Variants in SSBP3 observed in about 807,000 individuals in gnomAD.
SSBP3 encodes the protein single stranded DNA binding protein 3.
Under a neutral mutation model 69.6 loss-of-function variants are expected in SSBP3, and 5 were observed. The observed-to-expected ratio is 0.07, with a 90% CI of 0.04 to 0.15. The LOEUF (loss-of-function observed/expected upper bound fraction) is 0.15, where lower values mean the gene tolerates loss of function less well. Ranked by LOEUF, SSBP3 falls within the 10% of genes least tolerant of loss-of-function variation. The pLI is 1.00. For synonymous variants in SSBP3, 196 were observed against 193.4 expected, an observed-to-expected ratio of 1.01 and a Z score of -0.11; for missense variants, 312 against 534.0, an observed-to-expected ratio of 0.58 and a Z score of 4.10.
At chr1:54,374,806 C>T (rs1404502737) in intron 4 of SSBP3, among the ~76,000 whole-genome samples, 9 of 152,188 alleles carry the variant, frequency 5.9e-5, no homozygotes, top group East Asian at 1.9e-4. Flanking sequence ...GGGCTATCAA[C>T]GTGAGCTAAC....
chr1:54,331,404 G>A (rs912228496), intron 4 of SSBP3, among the ~76,000 whole-genome samples: 6 of 152,180 alleles, frequency 3.9e-5, no homozygotes, highest in African/African-American at 7.2e-5. Flanking sequence ...TCAGAAAATC[G>A]TGCCACTTCA....
intron 5 of SSBP3, among the ~76,000 whole-genome samples, chr1:54,278,595 G>A (rs1475035055): frequency 6.6e-6 from 1 of 152,200 alleles, no homozygotes; most frequent in Non-Finnish European, 1.5e-5. Context: ...GGATGGAGGT[G>A]GGCAGCTGCT....
At chr1:54,394,029 G>T (rs976034269) in intron 4 of SSBP3, among the ~76,000 whole-genome samples, 3 of 152,152 alleles carry the variant, frequency 2.0e-5, no homozygotes, top group Non-Finnish European at 4.4e-5. Context: ...CAAAGTGTTG[G>T]GATTACAGGA....
intron 4 of SSBP3, among the ~76,000 whole-genome samples, chr1:54,401,622 G>A (rs1011187631): frequency 6.6e-6 from 1 of 150,774 alleles, no homozygotes; most frequent in Non-Finnish European, 1.5e-5. Flanking sequence ...TAATTCTCCG[G>A]ATAGATATCT....
At chr1:54,314,863 C>T (rs1444072310) in intron 4 of SSBP3, among the ~76,000 whole-genome samples, 4 of 152,132 alleles carry the variant, frequency 2.6e-5, no homozygotes, top group South Asian at 4.2e-4. Flanking sequence ...GGTACAGACG[C>T]TGGACAGGGA....
chr1:54,306,593 T>C (rs1645905610), intron 4 of SSBP3, among the ~76,000 whole-genome samples: 2 of 152,184 alleles, frequency 1.3e-5, no homozygotes, highest in Admixed American at 6.5e-5. Flanking sequence ...ACTGGTATTA[T>C]CATTAGAAAG....
chr1:54,365,230 A>G (rs1420708384), intron 4 of SSBP3, among the ~76,000 whole-genome samples: 1 of 152,190 alleles, frequency 6.6e-6, no homozygotes, highest in Non-Finnish European at 1.5e-5. Context: ...CATGCGGTGA[A>G]GCAATCTAAG....
chr1:54,408,214 A>G (rs1373207220), upstream of SSBP3, among the ~76,000 whole-genome samples: 1 of 152,146 alleles, frequency 6.6e-6, no homozygotes, highest in Admixed American at 6.5e-5. Context: ...GCTAGTCCCT[A>G]TTTTAAAGGT....
chr1:54,361,105 C>G (rs1220378996), intron 4 of SSBP3, among the ~76,000 whole-genome samples: 1 of 151,900 alleles, frequency 6.6e-6, no homozygotes, highest in Non-Finnish European at 1.5e-5. Context: ...AAAGAACTAA[C>G]TAAGATAATG....
At chr1:54,324,121 G>A (rs1053208819) in intron 4 of SSBP3, among the ~76,000 whole-genome samples, 1 of 152,180 alleles carries the variant, frequency 6.6e-6, no homozygotes, top group Non-Finnish European at 1.5e-5. Flanking sequence ...AGTGAGCAAG[G>A]AATGCTGGCA....
intron 4 of SSBP3, among the ~76,000 whole-genome samples, chr1:54,334,147 A>G (rs1030372668): frequency 2.0e-5 from 3 of 152,106 alleles, no homozygotes; most frequent in Admixed American, 6.5e-5. Context: ...AGGTCAAGCT[A>G]TTGAGACCAT....
At chr1:54,404,053 G>A (rs1346040606) in intron 3 of SSBP3, among the ~76,000 whole-genome samples, 1 of 151,828 alleles carries the variant, frequency 6.6e-6, no homozygotes, top group East Asian at 1.9e-4. Flanking sequence ...AGGAAAGGAA[G>A]GACCAGTCAG....
chr1:54,278,849 T>G (rs1273233715), intron 5 of SSBP3, among the ~76,000 whole-genome samples: 1 of 152,248 alleles, frequency 6.6e-6, no homozygotes, highest in Non-Finnish European at 1.5e-5. Flanking sequence ...ACCATCTCTA[T>G]TTCCCTTCTA....
intron 4 of SSBP3, among the ~76,000 whole-genome samples, chr1:54,323,136 C>T (rs1442259157): frequency 6.6e-6 from 1 of 152,148 alleles, no homozygotes. Flanking sequence ...CACTTCCCAG[C>T]TCACAGAACC....
At chr1:54,384,917 G>T (rs559293184) in intron 4 of SSBP3, among the ~76,000 whole-genome samples, 8 of 152,006 alleles carry the variant, frequency 5.3e-5, no homozygotes, top group Non-Finnish European at 1.2e-4. Flanking sequence ...TCTAATTCCT[G>T]AACAGCTCAC....
chr1:54,362,279 C>G (rs192868627), intron 4 of SSBP3, among the ~76,000 whole-genome samples: 111 of 152,324 alleles, frequency 7.3e-4, no homozygotes, highest in African/African-American at 2.6e-3. Context: ...ATCCTGGCAG[C>G]AAGCAGCTGC....
intron 4 of SSBP3, among the ~76,000 whole-genome samples, chr1:54,348,148 T>C (rs1275782008): frequency 6.7e-6 from 1 of 149,676 alleles, no homozygotes; most frequent in African/African-American, 2.5e-5. Flanking sequence ...AAGTCATCTT[T>C]ATCGGGTGGC....
At chr1:54,334,648 T>C (rs1646477669) in intron 4 of SSBP3, among the ~76,000 whole-genome samples, 1 of 152,178 alleles carries the variant, frequency 6.6e-6, no homozygotes. Flanking sequence ...CCTCAAAGGA[T>C]GGTTTTAAGA....
At chr1:54,374,374 C>T (rs896290420) in intron 4 of SSBP3, among the ~76,000 whole-genome samples, 2 of 152,220 alleles carry the variant, frequency 1.3e-5, no homozygotes, top group African/African-American at 4.8e-5. Context: ...TCATCCCACA[C>T]CACCTTTGTC....
Sources: gnomAD v4.1 joint callset for allele counts (sites outside exome capture counted in the v4.1 genomes callset) on GRCh38, gnomAD v4.1.1 for gene constraint, MANE v1.5 for transcripts, NCBI Gene and HGNC (gene_info 2026-07-23, HGNC 2026-07-21) for gene names.